Variants in SEPTIN4 observed in about 807,000 individuals in gnomAD.
SEPTIN4 encodes the protein septin 4.
In SEPTIN4, 52 loss-of-function variants were observed where a neutral mutation model predicts 107.1. The observed-to-expected ratio is 0.49, with a 90% CI of 0.39 to 0.61. The LOEUF is 0.61. Among genes scored for constraint, SEPTIN4 ranks in the 20% least tolerant of loss-of-function variants. The pLI is 0.00. For synonymous variants in SEPTIN4, 417 were observed against 467.0 expected (o/e 0.89, Z 1.38); for missense variants, 1,048 against 1,243.5 (o/e 0.84, Z 2.36).
chr17:58,527,127 A>T, intron 3 of SEPTIN4, 149 bp from the exon 4 acceptor site: 1 of 1,312,080 alleles, frequency 7.6e-7, no homozygotes, highest in Non-Finnish European at 1.1e-6. Context: ...CAGCCAAGAC[A>T]GAGGAAGTGC....
chr17:58,520,875 G>A (rs1419385630), intron 12 of SEPTIN4, 33 bp from the exon 13 acceptor site: 1 of 1,614,002 alleles, frequency 6.2e-7, no homozygotes, highest in Non-Finnish European at 8.5e-7. Context: ...AAGGCGAGGA[G>A]GACCCCAGCA....
rs1476161814 is a variant in SEPTIN4, at chr17:58,526,714, A to G, written c.1879T>C (p.Trp627Arg). The G allele has an allele frequency of 4.4e-6, 7 of 1,601,786 alleles. No individual in the cohort carries two copies. Among genetic ancestry groups the G allele is most frequent in the Non-Finnish European group, 6.0e-6 (7 of 1,175,164 alleles). ...LSPSARPRSP[W>R]GKLDPYDSSE... The stretch of plus-strand genomic sequence containing the variant: ...GAATCATAGGGATCAAGCTTGCCCC[A>G]TGGGCTGCGGGGCCTGGCAGATGGG... Residue 627 changes from tryptophan (W) to arginine (R), a missense_variant, in exon 4 of 14, where the codon TGG (tryptophan) becomes CGG (arginine). Physicochemically the swap from Trp to Arg is moderately radical, Grantham distance 101. Coordinates refer to ENST00000672673, the MANE Select transcript of SEPTIN4 (RefSeq NM_001368771.2).
chr17:58,542,510 C>G, intron 1 of SEPTIN4, 116 bp downstream of exon 1: 1 of 1,377,480 alleles, frequency 7.3e-7, no homozygotes, highest in Non-Finnish European at 9.8e-7. Flanking sequence ...CTAGCTTTGG[C>G]ACTGGCAGGA....
intron 3 of SEPTIN4, among the ~76,000 whole-genome samples, chr17:58,533,670 A>T (rs2043609090): frequency 6.6e-6 from 1 of 151,974 alleles, no homozygotes; most frequent in Non-Finnish European, 1.5e-5. Flanking sequence ...AGATCAGGGG[A>T]TCGGAAGCTG....
intron 3 of SEPTIN4, chr17:58,529,183 CT>C (rs2043240528): frequency 3.1e-6 from 5 of 1,614,236 alleles, no homozygotes; most frequent in Non-Finnish European, 4.2e-6. Context: ...ATGTCCCACG[CT>C]TCAGACTCCC....
chr17:58,525,536 C>T, intron 6 of SEPTIN4, 159 bp downstream of exon 6: 1 of 659,950 alleles, frequency 1.5e-6, no homozygotes, highest in South Asian at 1.9e-5. Context: ...AGGGAGCTGG[C>T]TGGTGGGCTG....
chr17:58,522,210 G>A, intron 7 of SEPTIN4, 109 bp from the exon 8 acceptor site: 3 of 1,391,760 alleles, frequency 2.2e-6, no homozygotes, highest in Admixed American at 3.9e-5. Context: ...TTAAGACACT[G>A]TTATTCCCTG....
At position 58,543,592 on chromosome 17, in the gene SEPTIN4, C is replaced by T; in HGVS notation, c.595G>A (p.Asp199Asn). Residue 199 changes from aspartate to asparagine, a missense_variant, in exon 1 of 14, where the codon GAT (aspartate) becomes AAT (asparagine). Asp to Asn is a conservative substitution (Grantham distance 23). Transcript: ENST00000672673. ...VPRRILSYPK[D>N]EAVQTEPIQR... Reference sequence around the variant, plus strand: ...ATGGGCTCAGTTTGTACTGCTTCATCCTTTGGGTAAGACAAAATCCTACGG... The same window carrying T: ...ATGGGCTCAGTTTGTACTGCTTCATTCTTTGGGTAAGACAAAATCCTACGG... 6.2e-7 allele frequency: 1 copy of T among 1,614,202 alleles called. No individual in the cohort carries two copies. The highest frequency in any genetic ancestry group is 8.5e-7 in the Non-Finnish European group (1 of 1,180,040).
chr17:58,526,646 C>T, intron 4 of SEPTIN4, 36 bp downstream of exon 4: 2 of 1,533,802 alleles, frequency 1.3e-6, no homozygotes, highest in Non-Finnish European at 1.7e-6. Flanking sequence ...CCTGCAGCAG[C>T]CCACTGAAAG....
At chr17:58,531,822 C>T in intron 3 of SEPTIN4, 1 of 825,858 alleles carries the variant, frequency 1.2e-6, no homozygotes, top group African/African-American at 1.8e-5. Context: ...CCAGCCTGTG[C>T]CCGGGGCCGG....
In SEPTIN4 at chr17:58,521,489, CCT is replaced by C; in HGVS notation, c.2571+54_2571+55del. 6.3e-7 allele frequency: 1 copy of C among 1,597,186 alleles called. No homozygotes were observed. The highest frequency in any genetic ancestry group is 8.6e-7 in the Non-Finnish European group (1 of 1,165,014). On this transcript the variant is annotated intron_variant, in intron 10 of 13. Transcript: ENST00000672673. This position sits in a 1 kb window ranked among gnomAD's most constrained non-coding sequence, Gnocchi z 6.4. ...ATAGCCTGAATATAGAATTCTACTC[CCT>C]TTTTCTACCCGGAAGAAATAAGATA... is the stretch of plus-strand genomic sequence containing the variant.
intron 6 of SEPTIN4, 81 bp downstream of exon 6, chr17:58,525,614 G>T: frequency 7.8e-7 from 1 of 1,287,504 alleles, no homozygotes; most frequent in East Asian, 2.3e-5. Context: ...CTGCATGTGG[G>T]GGAGAGCCCC....
At chr17:58,529,316 C>A (rs2043253996) in intron 3 of SEPTIN4, 7 of 1,531,188 alleles carry the variant, frequency 4.6e-6, no homozygotes, top group Non-Finnish European at 6.2e-6. Context: ...TTCTCTTTGA[C>A]CCCCTTCTGT....
rs17741424 is a variant in SEPTIN4, at chr17:58,521,630, T to A, written c.2486A>T (p.Glu829Val). ...TTGATAGATCTTGATTCCAAAATGC[T>A]CAATCTCCTCCCGGATCTGACAAAC... Reference protein sequence around the residue: ...HKKRKIREEIEHFGIKIYQFP... With the variant: ...HKKRKIREEIVHFGIKIYQFP... Residue 829 changes from glutamate (E) to valine (V), a missense_variant, in exon 10 of 14, where the codon GAG (glutamate) becomes GTG (valine). Physicochemically the swap from Glu to Val is moderately radical, Grantham distance 121 (BLOSUM62 -2). This residue lies in a region of SEPTIN4 where 261 missense variants were observed against 371.7 expected (regional missense o/e 0.70). Transcript: ENST00000672673. This position sits in a 1 kb window ranked among gnomAD's most constrained non-coding sequence, Gnocchi z 6.4. 0.1 allele frequency: 168,182 copies of A among 1,614,080 alleles called. 9,789 individuals carry two copies. Among genetic ancestry groups the A allele is most frequent in the Middle Eastern group, 0.16 (986 of 6,062 alleles).
Position 58,532,054 on chromosome 17 carries a change from C to A in SEPTIN4, c.1615-5076G>T, listed in dbSNP as rs909353693. ...CGCCGACCTCGCAGCACCGCCGTCA[C>A]CCTCCCGCCTCCCCGAGTGCGGACC... On this transcript the variant is annotated intron_variant, in intron 3 of 13. Coordinates refer to ENST00000672673, the MANE Select transcript of SEPTIN4 (RefSeq NM_001368771.2). 6 of 1,116,272 alleles carry A rather than the reference C, an allele frequency of 5.4e-6. No homozygotes were observed. The East Asian group carries it at 1.5e-4, about 28-fold the overall frequency. 69.1% of individuals were successfully genotyped at this position (1,116,272 alleles called of 1,614,324 possible).
chr17:58,522,697 G>C (rs1305824755), intron 7 of SEPTIN4, among the ~76,000 whole-genome samples: 6 of 150,322 alleles, frequency 4.0e-5, no homozygotes, highest in Non-Finnish European at 8.9e-5. Flanking sequence ...AAAAAGAATA[G>C]CAAGGTGGCT....
chr17:58,533,062 G>A (rs773347705), intron 3 of SEPTIN4, among the ~76,000 whole-genome samples: 5 of 152,154 alleles, frequency 3.3e-5, no homozygotes, highest in African/African-American at 9.7e-5. Flanking sequence ...CCACAGGCAC[G>A]GCCCTCTCTG....
chr17:58,528,150 G>T, intron 3 of SEPTIN4: 1 of 473,566 alleles, frequency 2.1e-6, no homozygotes, highest in Non-Finnish European at 2.8e-6. Flanking sequence ...AGCCAAGCCA[G>T]TGGGGACTAC....
In SEPTIN4 at chr17:58,543,278, A is replaced by G. The variant is rs138796290; in HGVS notation, c.909T>C (p.Pro303=). ...PESLHKYSAY[P]ETKPSAKVLV... is the part of the protein sequence containing the mutation. Reference sequence around the variant, plus strand: ...AGACCTTTGCGGAGGGCTTGGTTTCAGGATAGGCAGAATACTTATGAAGAG... The same window carrying G: ...AGACCTTTGCGGAGGGCTTGGTTTCGGGATAGGCAGAATACTTATGAAGAG... Residue 303 remains proline, a synonymous_variant, in exon 1 of 14, where the codon CCT becomes CCC. Transcript: ENST00000672673. 26 of 1,614,076 alleles carry G rather than the reference A, an allele frequency of 1.6e-5. No individual in the cohort carries two copies. In the African/African-American group the frequency reaches 3.3e-4, roughly 21 times the overall value.
Sources: gnomAD v4.1 joint callset for allele counts (sites outside exome capture counted in the v4.1 genomes callset) on GRCh38, gnomAD v4.1.1 for gene constraint, gnomAD v4.1.1 regional missense constraint, Gnocchi (gnomAD v3.1) non-coding constraint, MANE v1.5 for transcripts, NCBI Gene and HGNC (gene_info 2026-07-23, HGNC 2026-07-21) for gene names.